Variants in DCC observed in about 807,000 individuals in gnomAD.
The protein encoded by DCC is DCC netrin 1 receptor, also known as netrin receptor DCC.
In DCC, 58 loss-of-function variants were observed where a neutral mutation model predicts 172.5. That is an observed-to-expected ratio of 0.34 (90% confidence interval 0.27 to 0.42). The LOEUF is 0.42. DCC is among the 10% of genes least tolerant of loss of function. The pLI is 1.00. For synonymous variants in DCC, 709 were observed against 644.5 expected (o/e 1.10, Z -1.52); for missense variants, 1,740 against 1,791.0 (o/e 0.97, Z 0.51).
intron 15 of DCC, among the ~76,000 whole-genome samples, chr18:53,352,052 C>A (rs948548391): frequency 6.6e-6 from 1 of 151,976 alleles, no homozygotes; most frequent in African/African-American, 2.4e-5. Flanking sequence ...AGCCTGGTAT[C>A]AAATCAAAAT....
At chr18:53,256,627 G>C (rs1207046440) in intron 12 of DCC, among the ~76,000 whole-genome samples, 5 of 152,124 alleles carry the variant, frequency 3.3e-5, no homozygotes, top group Admixed American at 6.6e-5. Context: ...TTGTAGTATA[G>C]TTTGAAGTCA....
intron 1 of DCC, among the ~76,000 whole-genome samples, chr18:52,685,326 A>G (rs140962016): frequency 6.6e-6 from 1 of 152,076 alleles, no homozygotes; most frequent in African/African-American, 2.4e-5. Flanking sequence ...TTTATTGATC[A>G]TTTCTCTTTA....
At chr18:52,735,239 ACT>A (rs1449814103) in intron 1 of DCC, among the ~76,000 whole-genome samples, 7 of 151,914 alleles carry the variant, frequency 4.6e-5, no homozygotes, top group African/African-American at 1.7e-4. Flanking sequence ...CCCTGCCAAC[ACT>A]CTGTGTTAAC....
chr18:53,475,727 G>A (rs368702119), intron 25 of DCC, among the ~76,000 whole-genome samples: 1 of 152,190 alleles, frequency 6.6e-6, no homozygotes, highest in Admixed American at 6.5e-5. Flanking sequence ...GGGAGATATG[G>A]GGTCAGAGCC....
At chr18:52,550,489 G>A (rs186607109) in intron 1 of DCC, among the ~76,000 whole-genome samples, 3 of 152,094 alleles carry the variant, frequency 2.0e-5, no homozygotes, top group South Asian at 2.1e-4. Flanking sequence ...TGACTTATTT[G>A]TCTAAGCCTA....
chr18:52,528,913 C>T (rs2032062324), intron 1 of DCC, among the ~76,000 whole-genome samples: 2 of 152,226 alleles, frequency 1.3e-5, no homozygotes, highest in South Asian at 4.2e-4. Flanking sequence ...ATTTGCTACA[C>T]TTGAGTTACA....
chr18:53,066,349 G>GTGTGTA (rs1262806128), intron 7 of DCC, among the ~76,000 whole-genome samples, 183 bp downstream of exon 7: 1 of 62,144 alleles, frequency 1.6e-5, no homozygotes, highest in African/African-American at 7.1e-5. Flanking sequence ...GTGTGTACAT[G>GTGTGTA]TGTGTATATA....
intron 1 of DCC, among the ~76,000 whole-genome samples, chr18:52,725,874 G>A (rs1599051126): frequency 6.6e-6 from 1 of 152,094 alleles, no homozygotes; most frequent in African/African-American, 2.4e-5. Context: ...TGGCACTAGT[G>A]GGTCTTGATC....
At chr18:52,730,515 A>T (rs2036622037) in intron 1 of DCC, among the ~76,000 whole-genome samples, 1 of 152,234 alleles carries the variant, frequency 6.6e-6, no homozygotes, top group Non-Finnish European at 1.5e-5. Flanking sequence ...CTTTCAAAGT[A>T]TGTGAACTAT....
At chr18:53,207,839 T>C in intron 11 of DCC, 22 bp downstream of exon 11, 1 of 1,582,030 alleles carries the variant, frequency 6.3e-7, no homozygotes, top group Non-Finnish European at 8.7e-7. Context: ...ACAGTGAAAC[T>C]CCTTTTACAT....
At chr18:52,602,073 A>C (rs999308342) in intron 1 of DCC, among the ~76,000 whole-genome samples, 2 of 152,120 alleles carry the variant, frequency 1.3e-5, no homozygotes, top group African/African-American at 4.8e-5. Context: ...ATAAGTGTGT[A>C]CATGTGAATC....
intron 2 of DCC, among the ~76,000 whole-genome samples, chr18:52,766,213 C>T (rs565787967): frequency 1.3e-5 from 2 of 152,334 alleles, no homozygotes; most frequent in South Asian, 4.1e-4. Context: ...AGAGCAAGCA[C>T]TTTTGGGCGC....
intron 12 of DCC, among the ~76,000 whole-genome samples, chr18:53,220,190 G>T (rs1368875814): frequency 6.6e-6 from 1 of 152,166 alleles, no homozygotes; most frequent in Non-Finnish European, 1.5e-5. Context: ...TGGGGTATGT[G>T]TATGTGTGTA....
intron 1 of DCC, among the ~76,000 whole-genome samples, chr18:52,482,706 A>G (rs1180892355): frequency 6.6e-6 from 1 of 152,172 alleles, no homozygotes; most frequent in Non-Finnish European, 1.5e-5. Context: ...GAATTTCAAT[A>G]TATGAATCTT....
intron 1 of DCC, among the ~76,000 whole-genome samples, chr18:52,540,597 CTTTTTTTTTTT>C (rs71175505): frequency 0.23 from 15,665 of 67,624 alleles, 1,038 homozygotes; most frequent in Middle Eastern, 0.42. Context: ...ATTCAACTGC[CTTTTTTTTTTT>C]TTTTTTTTTT....
At chr18:52,971,376 C>G (rs1462371124) in intron 5 of DCC, among the ~76,000 whole-genome samples, 1 of 152,060 alleles carries the variant, frequency 6.6e-6, no homozygotes, top group Non-Finnish European at 1.5e-5. Context: ...ATGTATAATT[C>G]CCTATGACTC....
chr18:52,473,494 C>T (rs1299970516), intron 1 of DCC, among the ~76,000 whole-genome samples: 1 of 152,102 alleles, frequency 6.6e-6, no homozygotes, highest in Non-Finnish European at 1.5e-5. Context: ...GTTTAATTGA[C>T]TCAAAGTTCT....
chr18:53,315,195 T>C (rs1488053237), intron 13 of DCC, among the ~76,000 whole-genome samples: 1 of 152,206 alleles, frequency 6.6e-6, no homozygotes, highest in Non-Finnish European at 1.5e-5. Flanking sequence ...CTCCCACTTA[T>C]GAGTGAGAAC....
intron 2 of DCC, among the ~76,000 whole-genome samples, chr18:52,814,654 C>A (rs1353316397): frequency 2.0e-5 from 3 of 152,100 alleles, no homozygotes. Flanking sequence ...AATTATAGTT[C>A]ATAAATTTGT....
Sources: gnomAD v4.1 joint callset for allele counts (sites outside exome capture counted in the v4.1 genomes callset) on GRCh38, gnomAD v4.1.1 for gene constraint, MANE v1.5 for transcripts, NCBI Gene and HGNC (gene_info 2026-07-23, HGNC 2026-07-21) for gene names.